THADA: variants seen among roughly 807,000 people sequenced by gnomAD.
THADA encodes THADA armadillo repeat containing.
THADA carries 213 observed loss-of-function variants against 219.8 expected under a neutral mutation model. That is an observed-to-expected ratio of 0.97 (90% confidence interval 0.87 to 1.09). THADA has a LOEUF of 1.09. Among genes scored for constraint, THADA ranks in the 50% least tolerant of loss-of-function variants. THADA has a pLI of 0.00. For missense variants in THADA, 2,956 were observed against 2,311.3 expected (o/e 1.28, Z -5.72); for synonymous variants, 1,018 against 828.9 (o/e 1.23, Z -3.92).
chr2:43,581,798 G>C lies in THADA; in HGVS notation c.664C>G (p.Pro222Ala), dbSNP rs780685814. 6 of 1,612,882 alleles carry C rather than the reference G, an allele frequency of 3.7e-6. No individual in the cohort carries two copies. In the East Asian group the frequency reaches 6.7e-5, roughly 18 times the overall value. ...QGNLWKTSDS[P>A]IWQNMCGLLS... ...AATCCACACATATTTTGCCATATGG[G>C]AGAATCGGAAGTCTTCCAAAGATTT... is the stretch of plus-strand genomic sequence containing the variant. Residue 222 changes from proline to alanine, a missense_variant, in exon 8 of 38, where the codon CCC (proline) becomes GCC (alanine). Pro to Ala is a conservative substitution (Grantham distance 27, BLOSUM62 -1). Transcript: ENST00000405975.
intron 27 of THADA, among the ~76,000 whole-genome samples, chr2:43,428,474 G>A (rs145887363): frequency 3.3e-5 from 5 of 152,226 alleles, no homozygotes; most frequent in African/African-American, 7.2e-5. Flanking sequence ...ATGTGGTGGC[G>A]CATGCCTGTA....
intron 36 of THADA, among the ~76,000 whole-genome samples, chr2:43,262,674 A>G (rs983328501): frequency 2.0e-5 from 3 of 152,154 alleles, no homozygotes; most frequent in African/African-American, 7.2e-5. Flanking sequence ...GTTAATTTCT[A>G]TTTCAGTTAT....
At chr2:43,276,581 G>C (rs1209366368) in intron 36 of THADA, among the ~76,000 whole-genome samples, 2 of 152,190 alleles carry the variant, frequency 1.3e-5, no homozygotes, top group Middle Eastern at 3.4e-3. Flanking sequence ...GTGCCCGTGG[G>C]GACCGATAAC....
At chr2:43,589,453 G>A (rs1701328641) in intron 4 of THADA, among the ~76,000 whole-genome samples, 1 of 152,218 alleles carries the variant, frequency 6.6e-6, no homozygotes, top group Non-Finnish European at 1.5e-5. Context: ...GCCAAGGGCT[G>A]AGCAGGAAAT....
Position 43,320,442 on chromosome 2 carries a change from A to G in THADA, c.4438+4T>C. 6.2e-7 allele frequency: 1 copy of G among 1,608,498 alleles called. No homozygotes were observed. On this transcript the variant is annotated splice_donor_region_variant and intron_variant, in intron 31 of 37. Transcript: ENST00000405975. ...CCAAAATACAGTATAACTATGAATCATACCTGGCTGGTTGTCCTTTGCAGA... is the reference window on the plus strand; with the variant it reads ...CCAAAATACAGTATAACTATGAATCGTACCTGGCTGGTTGTCCTTTGCAGA...
intron 7 of THADA, among the ~76,000 whole-genome samples, chr2:43,582,543 A>T (rs1232279663): frequency 6.7e-6 from 1 of 148,714 alleles, no homozygotes; most frequent in Non-Finnish European, 1.5e-5. Flanking sequence ...ACACTCTCTC[A>T]ACATTGATAT....
At chr2:43,364,625 G>C (rs1669919812) in intron 29 of THADA, among the ~76,000 whole-genome samples, 5 of 152,212 alleles carry the variant, frequency 3.3e-5, no homozygotes. Flanking sequence ...ATTTACTTTT[G>C]GGAGATGACA....
intron 1 of THADA, among the ~76,000 whole-genome samples, chr2:43,595,248 G>T (rs191976697): frequency 6.6e-6 from 1 of 152,302 alleles, no homozygotes; most frequent in East Asian, 1.9e-4. Context: ...GTCTGTTTGG[G>T]AAGTAAGAAA....
At chr2:43,531,475 C>T (rs1247371339) in intron 21 of THADA, among the ~76,000 whole-genome samples, 1 of 152,132 alleles carries the variant, frequency 6.6e-6, no homozygotes, top group East Asian at 1.9e-4. Context: ...GACAAGGCTA[C>T]AAGGAAGAGA....
intron 30 of THADA, among the ~76,000 whole-genome samples, chr2:43,342,229 T>A (rs1469075612): frequency 2.6e-5 from 4 of 152,064 alleles, no homozygotes; most frequent in Admixed American, 1.3e-4. Context: ...AAAGGGAGAA[T>A]AGACTAACAG....
At position 43,364,662 on chromosome 2, in the gene THADA, G is replaced by A. The variant is rs986021517; in HGVS notation, c.4228-20425C>T. Among the ~76,000 whole-genome samples the A allele has an allele frequency of 5.3e-5, 8 of 152,150 alleles. No individual in the cohort carries two copies. The South Asian group carries it at 1.2e-3, about 24-fold the overall frequency. On this transcript the variant is annotated intron_variant, in intron 29 of 37. Transcript: ENST00000405975. ...TTAGTATAGTCTACATCCTTATGAC[G>A]CGCCTGACTTGTTTATTCACTCAGC...
chr2:43,586,801 T>G lies in THADA; in HGVS notation c.451+53A>C. The G allele has an allele frequency of 1.9e-6, 3 of 1,611,212 alleles. No individual in the cohort carries two copies. In the Middle Eastern group the frequency reaches 5.0e-4, roughly 267 times the overall value. ...CAAAATCAATGTCATTTAAAAACTATGATGTGATGAGAGGGGTTAGCCAGA... is the reference window on the plus strand; with the variant it reads ...CAAAATCAATGTCATTTAAAAACTAGGATGTGATGAGAGGGGTTAGCCAGA... On this transcript the variant is annotated intron_variant, in intron 5 of 37. Coordinates refer to ENST00000405975, the MANE Select transcript of THADA (RefSeq NM_022065.5).
intron 30 of THADA, among the ~76,000 whole-genome samples, chr2:43,325,735 G>C (rs1293005919): frequency 7.2e-5 from 11 of 152,152 alleles, no homozygotes; most frequent in Non-Finnish European, 1.5e-4. Flanking sequence ...CCAAGGGATT[G>C]TTTCACTAAG....
intron 29 of THADA, among the ~76,000 whole-genome samples, chr2:43,392,099 C>A (rs1225247293): frequency 6.6e-6 from 1 of 152,142 alleles, no homozygotes; most frequent in Non-Finnish European, 1.5e-5. Context: ...ATGGAGACGG[C>A]CAACATCTTA....
intron 11 of THADA, among the ~76,000 whole-genome samples, 193 bp downstream of exon 11, chr2:43,574,143 T>C (rs546930170): frequency 6.6e-6 from 1 of 152,328 alleles, no homozygotes; most frequent in Non-Finnish European, 1.5e-5. Context: ...CTTGTAGAAA[T>C]GACTTCAGCC....
At chr2:43,527,796 A>G in intron 22 of THADA, 83 bp downstream of exon 22, 1 of 967,664 alleles carries the variant, frequency 1.0e-6, no homozygotes, top group South Asian at 1.6e-5. Context: ...TAAACTTCAA[A>G]AGACACAACT....
chr2:43,586,597 T>A, intron 6 of THADA, 105 bp downstream of exon 6: 1 of 1,371,886 alleles, frequency 7.3e-7, no homozygotes, highest in South Asian at 1.4e-5. Flanking sequence ...GTACCTAAGT[T>A]ATCTACAATG....
At chr2:43,526,062 G>A (rs1365020581) in intron 22 of THADA, among the ~76,000 whole-genome samples, 3 of 152,136 alleles carry the variant, frequency 2.0e-5, no homozygotes, top group African/African-American at 4.8e-5. Flanking sequence ...ATGCAAAGAG[G>A]TCTTCTTAAA....
Position 43,541,131 on chromosome 2 carries a change from T to C in THADA, c.3264+28A>G, listed in dbSNP as rs757311077. On this transcript the variant is annotated intron_variant, in intron 21 of 37. Coordinates refer to ENST00000405975, the MANE Select transcript of THADA (RefSeq NM_022065.5). ...TGATTTATGCGTTGACCAGAAATTA[T>C]ACATGGTGGAATAAACATGTGCCTT... 2.7e-5 allele frequency: 41 copies of C among 1,494,540 alleles called. No individual in the cohort carries two copies. The East Asian group carries it at 8.7e-4, about 32-fold the overall frequency. The allele number at this position is 1,494,540 out of a possible 1,614,324, so 92.6% of individuals were successfully genotyped here. A position where few individuals can be genotyped will look rare whatever the true frequency, so the allele number is the denominator to read the frequency against.
Sources: gnomAD v4.1 joint callset for allele counts (sites outside exome capture counted in the v4.1 genomes callset) on GRCh38, gnomAD v4.1.1 for gene constraint, MANE v1.5 for transcripts, NCBI Gene and HGNC (gene_info 2026-07-23, HGNC 2026-07-21) for gene names.